The following NYAP2 variants were observed in gnomAD, a reference collection of about 807,000 sequenced individuals.
The protein encoded by NYAP2 is neuronal tyrosine-phosphorylated phosphoinositide-3-kinase adapter 2.
In NYAP2, 23 loss-of-function variants were observed where a neutral mutation model predicts 50.4. The ratio of observed to expected loss-of-function variants is 0.46; its 90% confidence interval spans 0.33 to 0.65. The LOEUF is 0.65. Ranked by LOEUF, NYAP2 falls within the 30% of genes least tolerant of loss-of-function variation. NYAP2 has a pLI of 0.02. For synonymous variants in NYAP2, 394 were observed against 365.2 expected (o/e 1.08, Z -0.90); for missense variants, 885 against 861.0 (o/e 1.03, Z -0.35).
intron 4 of NYAP2, among the ~76,000 whole-genome samples, chr2:225,564,025 A>G (rs1330822634): frequency 6.6e-6 from 1 of 152,128 alleles, no homozygotes; most frequent in Admixed American, 6.6e-5. Flanking sequence ...TGTCATCTTG[A>G]TGGCATTTAT....
intron 4 of NYAP2, among the ~76,000 whole-genome samples, chr2:225,555,602 AC>A (rs1209784945): frequency 1.3e-5 from 2 of 152,194 alleles, no homozygotes; most frequent in Non-Finnish European, 2.9e-5. Context: ...TAAATGTGCA[AC>A]TAACAGATCT....
At chr2:225,417,379 C>A (rs1695143997) in intron 3 of NYAP2, among the ~76,000 whole-genome samples, 1 of 151,706 alleles carries the variant, frequency 6.6e-6, no homozygotes, top group Non-Finnish European at 1.5e-5. Flanking sequence ...AAATCAAGTC[C>A]CCCCTCAAAA....
At chr2:225,432,654 A>T (rs1476890793) in intron 3 of NYAP2, among the ~76,000 whole-genome samples, 1 of 152,148 alleles carries the variant, frequency 6.6e-6, no homozygotes, top group East Asian at 1.9e-4. Flanking sequence ...TAGGATGCCA[A>T]TTCAACTGTT....
intron 4 of NYAP2, among the ~76,000 whole-genome samples, chr2:225,529,121 C>A (rs1353571620): frequency 6.6e-6 from 1 of 152,104 alleles, no homozygotes; most frequent in Non-Finnish European, 1.5e-5. Flanking sequence ...ATTTTCTAAA[C>A]AAAATGGCAG....
At chr2:225,620,423 ACACGCACGCACACACGCACG>A (rs1693073941) in intron 5 of NYAP2, among the ~76,000 whole-genome samples, 2 of 30,660 alleles carry the variant, frequency 6.5e-5, no homozygotes, top group Non-Finnish European at 1.7e-4. Context: ...ACATGCACGC[ACACGCACGCACACACGCACG>A]CACACGCACG....
chr2:225,697,739 C>A, the NYAP2 span, among the ~76,000 whole-genome samples: 2 of 151,908 alleles, frequency 1.3e-5, no homozygotes, highest in Non-Finnish European at 2.9e-5. Flanking sequence ...ATTTTCATAT[C>A]ATGAACTTTC....
chr2:225,509,767 T>C (rs1352030594), intron 3 of NYAP2, among the ~76,000 whole-genome samples: 1 of 152,246 alleles, frequency 6.6e-6, no homozygotes, highest in Non-Finnish European at 1.5e-5. Context: ...GGTTCATTGT[T>C]GTCTCGTCAA....
chr2:225,565,927 T>C (rs1307105113), intron 4 of NYAP2, among the ~76,000 whole-genome samples: 2 of 152,136 alleles, frequency 1.3e-5, no homozygotes, highest in African/African-American at 4.8e-5. Context: ...ACAATATATT[T>C]GTAAAACAAA....
chr2:225,430,527 C>T (rs1695350591), intron 3 of NYAP2, among the ~76,000 whole-genome samples: 1 of 152,182 alleles, frequency 6.6e-6, no homozygotes, highest in Admixed American at 6.5e-5. Flanking sequence ...ACATCTACCA[C>T]ACACTGACAA....
At chr2:225,423,749 A>C (rs1407555919) in intron 3 of NYAP2, among the ~76,000 whole-genome samples, 3 of 152,190 alleles carry the variant, frequency 2.0e-5, no homozygotes, top group African/African-American at 7.2e-5. Flanking sequence ...CAGCACAATA[A>C]AACTATCTCC....
chr2:225,666,155 G>A, the NYAP2 span, among the ~76,000 whole-genome samples: 3 of 152,008 alleles, frequency 2.0e-5, no homozygotes, highest in Non-Finnish European at 4.4e-5. Context: ...GTCTCCATGC[G>A]CTAAAGTCAC....
chr2:225,598,384 C>A (rs2106240088), intron 5 of NYAP2, among the ~76,000 whole-genome samples: 1 of 151,960 alleles, frequency 6.6e-6, no homozygotes, highest in Admixed American at 6.6e-5. Flanking sequence ...AGGTATTAAC[C>A]AAATCATTAA....
chr2:225,700,555 G>A, the NYAP2 span: 1 of 151,822 alleles, frequency 6.6e-6, no homozygotes, highest in African/African-American at 2.4e-5. Context: ...TGATGAAAAT[G>A]TGTTTAGATA....
intron 5 of NYAP2, among the ~76,000 whole-genome samples, chr2:225,611,884 A>G (rs1692891884): frequency 7.1e-6 from 1 of 140,598 alleles, no homozygotes; most frequent in African/African-American, 2.8e-5. Context: ...ATATGTATAT[A>G]TATGTGTGTG....
chr2:225,500,824 AT>A (rs1690591625), intron 3 of NYAP2, among the ~76,000 whole-genome samples: 1 of 152,104 alleles, frequency 6.6e-6, no homozygotes, highest in South Asian at 2.1e-4. Flanking sequence ...AAGAAAACTC[AT>A]TTTTCTGGTA....
chr2:225,525,306 C>A (rs1316953681), intron 4 of NYAP2, among the ~76,000 whole-genome samples: 1 of 152,016 alleles, frequency 6.6e-6, no homozygotes, highest in Non-Finnish European at 1.5e-5. Flanking sequence ...TGTGGTAGTT[C>A]ATTACACACT....
the NYAP2 span, among the ~76,000 whole-genome samples, chr2:225,674,017 C>T: frequency 6.6e-6 from 1 of 152,046 alleles, no homozygotes. Context: ...GGACCCCATT[C>T]GGGGCTGAGG....
intron 2 of NYAP2, among the ~76,000 whole-genome samples, chr2:225,407,558 T>C (rs1694963425): frequency 6.6e-6 from 1 of 151,964 alleles, no homozygotes; most frequent in Non-Finnish European, 1.5e-5. Context: ...CCATAGTTAT[T>C]ATCCAGGTTT....
chr2:225,487,430 G>C (rs1690321370), intron 3 of NYAP2, among the ~76,000 whole-genome samples: 2 of 151,904 alleles, frequency 1.3e-5, no homozygotes, highest in Non-Finnish European at 2.9e-5. Flanking sequence ...CACAATCTTG[G>C]CTCACTGCAA....
Sources: allele counts gnomAD v4.1 joint callset (sites outside exome capture counted in the v4.1 genomes callset), GRCh38; gene constraint gnomAD v4.1.1; transcripts MANE v1.5; gene names NCBI Gene and HGNC (gene_info 2026-07-23, HGNC 2026-07-21).